PIP4P2: variants seen among roughly 807,000 people sequenced by gnomAD.
The protein encoded by PIP4P2 is type 2 phosphatidylinositol 4,5-bisphosphate 4-phosphatase.
In PIP4P2, 19 loss-of-function variants were observed where a neutral mutation model predicts 33.3. The ratio of observed to expected loss-of-function variants is 0.57; its 90% CI spans 0.40 to 0.84. The LOEUF is 0.84. Ranked by LOEUF, PIP4P2 falls within the 40% of genes least tolerant of loss-of-function variation. The pLI, the probability that PIP4P2 is intolerant of heterozygous loss-of-function variation, is 0.00. For synonymous variants in PIP4P2, 110 were observed against 111.9 expected, an observed-to-expected ratio of 0.98 and a Z score of 0.11; for missense variants, 270 against 324.7, an observed-to-expected ratio of 0.83 and a Z score of 1.29.
At chr8:91,029,549 T>C (rs892486616) in intron 1 of PIP4P2, among the ~76,000 whole-genome samples, 3 of 152,178 alleles carry the variant, frequency 2.0e-5, no homozygotes, top group Admixed American at 2.0e-4. Context: ...CCTTCCTTAT[T>C]TTCTCAGGCT....
intron 1 of PIP4P2, among the ~76,000 whole-genome samples, chr8:91,022,280 A>T (rs1812021013): frequency 6.6e-6 from 1 of 152,160 alleles, no homozygotes; most frequent in Non-Finnish European, 1.5e-5. Flanking sequence ...AAAGACACAC[A>T]CACAGTGTTT....
At chr8:90,997,970 A>G (rs1453677445) in intron 5 of PIP4P2, among the ~76,000 whole-genome samples, 1 of 152,048 alleles carries the variant, frequency 6.6e-6, no homozygotes, top group African/African-American at 2.4e-5. Flanking sequence ...CCAAACACAA[A>G]CATCTGGATG....
intron 2 of PIP4P2, among the ~76,000 whole-genome samples, chr8:91,020,692 AGGAAAGG>A (rs1339793558): frequency 3.3e-5 from 5 of 152,326 alleles, no homozygotes; most frequent in African/African-American, 1.2e-4. Context: ...TTTTTAAAAA[AGGAAAGG>A]TGTTATTCAA....
At chr8:91,020,060 A>G (rs1412358040) in intron 3 of PIP4P2, 97 bp downstream of exon 3, 82 of 1,209,460 alleles carry the variant, frequency 6.8e-5, no homozygotes, top group Non-Finnish European at 8.9e-5. Context: ...GAAAACAAAA[A>G]CTCTTTCTAG....
chr8:91,024,849 C>G (rs559024982), intron 1 of PIP4P2, among the ~76,000 whole-genome samples: 18 of 152,066 alleles, frequency 1.2e-4, no homozygotes, highest in Non-Finnish European at 1.6e-4. Flanking sequence ...AAAAAACTCC[C>G]TCAAAGCTCC....
intron 1 of PIP4P2, among the ~76,000 whole-genome samples, chr8:91,022,897 G>C (rs1812031571): frequency 1.3e-5 from 2 of 152,062 alleles, no homozygotes; most frequent in South Asian, 4.1e-4. Flanking sequence ...TATGTTTCTG[G>C]GAGGCTTATA....
intron 1 of PIP4P2, among the ~76,000 whole-genome samples, chr8:91,028,676 C>T (rs1406691968): frequency 2.6e-5 from 4 of 152,168 alleles, no homozygotes; most frequent in Non-Finnish European, 5.9e-5. Flanking sequence ...TGGCAGTCCC[C>T]GGAACTGATA....
chr8:91,020,187 G>C lies in PIP4P2; in HGVS notation c.332C>G (p.Ser111Cys), dbSNP rs1811987001. 6.2e-7 allele frequency: 1 copy of C among 1,613,786 alleles called. No individual in the cohort carries two copies. Among genetic ancestry groups the C allele is most frequent in the Non-Finnish European group, 8.5e-7 (1 of 1,179,788 alleles). Residue 111 changes from serine (S) to cysteine (C), a missense_variant, in exon 3 of 7, where the codon TCT becomes TGT. Ser to Cys is a moderately radical substitution (Grantham distance 112). Coordinates refer to ENST00000285419, the MANE Select transcript of PIP4P2 (RefSeq NM_018710.3). ...GGGTCTTGGGCATCCTATTCGCCGA[G>C]ATGTGTCCTTACAAATGAGAAGACA... The part of the protein sequence containing the change: ...CNCLLICKDT[S>C]RRIGCPRPNC...
At position 90,995,486 on chromosome 8, in the gene PIP4P2, A is replaced by C; in HGVS notation, c.*191T>G. The C allele has an allele frequency of 1.9e-6, 1 of 520,822 alleles. No individual in the cohort carries two copies. Among genetic ancestry groups the C allele is most frequent in the East Asian group, 3.8e-5 (1 of 26,126 alleles). 32.3% of individuals were successfully genotyped at this position (520,822 alleles called of 1,614,324 possible). A position where few individuals can be genotyped will look rare whatever the true frequency, so the allele number is the denominator to read the frequency against. ...AGGCTTTATTATTCAAATTTTGAAA[A>C]CCTAGCAGCAAAACAATTTGCATAT... On this transcript the variant is annotated 3_prime_UTR_variant, in exon 7 of 7. Coordinates refer to ENST00000285419, the MANE Select transcript of PIP4P2 (RefSeq NM_018710.3).
chr8:91,019,733 C>T (rs1004837432), intron 3 of PIP4P2, among the ~76,000 whole-genome samples: 1 of 151,868 alleles, frequency 6.6e-6, no homozygotes, highest in African/African-American at 2.4e-5. Flanking sequence ...GCTGTCACAC[C>T]TGGCTAATTT....
At chr8:90,998,027 G>C (rs1450128164) in intron 5 of PIP4P2, among the ~76,000 whole-genome samples, 1 of 151,996 alleles carries the variant, frequency 6.6e-6, no homozygotes, top group Non-Finnish European at 1.5e-5. Context: ...TTGCTATCTA[G>C]AGTTACTAGG....
At chr8:91,013,449 A>T (rs1407527515) in intron 4 of PIP4P2, among the ~76,000 whole-genome samples, 1 of 152,202 alleles carries the variant, frequency 6.6e-6, no homozygotes, top group Non-Finnish European at 1.5e-5. Flanking sequence ...AATAACAAAT[A>T]TGCTTTATAT....
chr8:91,033,488 CCT>C (rs2130382029), intron 1 of PIP4P2, among the ~76,000 whole-genome samples: 1 of 152,282 alleles, frequency 6.6e-6, no homozygotes, highest in Admixed American at 6.5e-5. Flanking sequence ...ACCCTGGTCC[CCT>C]GTTGCCTCTT....
chr8:91,039,591 A>G (rs577714853), intron 1 of PIP4P2, among the ~76,000 whole-genome samples: 1 of 152,316 alleles, frequency 6.6e-6, no homozygotes, highest in East Asian at 1.9e-4. Context: ...CAAAATCATT[A>G]ACTTTTGCTT....
chr8:91,012,648 G>T (rs1811854700), intron 4 of PIP4P2, among the ~76,000 whole-genome samples: 3 of 152,114 alleles, frequency 2.0e-5, no homozygotes, highest in African/African-American at 4.8e-5. Flanking sequence ...TCTTGCTAAA[G>T]AATTAAAGTT....
chr8:91,018,154 C>G (rs979788414), intron 4 of PIP4P2, among the ~76,000 whole-genome samples: 1 of 152,100 alleles, frequency 6.6e-6, no homozygotes, highest in Non-Finnish European at 1.5e-5. Flanking sequence ...TCTCATTGGC[C>G]TACATAGAGA....
intron 1 of PIP4P2, among the ~76,000 whole-genome samples, chr8:91,036,260 C>A (rs1023096084): frequency 1.3e-5 from 2 of 152,098 alleles, no homozygotes; most frequent in Admixed American, 1.3e-4. Flanking sequence ...CGGATCTACA[C>A]TACAGGTCCC....
chr8:91,011,903 G>T (rs1013264107), intron 4 of PIP4P2, among the ~76,000 whole-genome samples: 1 of 151,802 alleles, frequency 6.6e-6, no homozygotes, highest in African/African-American at 2.4e-5. Flanking sequence ...TAGCAATTGT[G>T]TTTTTTTCTG....
intron 5 of PIP4P2, among the ~76,000 whole-genome samples, chr8:91,003,461 G>T (rs780695941): frequency 5.9e-5 from 9 of 152,114 alleles, no homozygotes; most frequent in Non-Finnish European, 1.2e-4. Flanking sequence ...TGGTCAGTTG[G>T]ACAGACAGGA....
Sources: allele counts gnomAD v4.1 joint callset (sites outside exome capture counted in the v4.1 genomes callset), GRCh38; gene constraint gnomAD v4.1.1; transcripts MANE v1.5; gene names NCBI Gene and HGNC (gene_info 2026-07-23, HGNC 2026-07-21).